Variants in ANK2 observed in about 807,000 individuals in gnomAD.
The protein encoded by ANK2 is ankyrin 2.
ANK2 carries 83 observed loss-of-function variants against 360.5 expected under a neutral mutation model. The observed-to-expected ratio is 0.23, with a 90% CI of 0.19 to 0.28. The LOEUF (loss-of-function observed/expected upper bound fraction) is 0.28. ANK2 is among the 10% of genes least tolerant of loss of function. The probability of loss-of-function intolerance (pLI) is 1.00; values close to 1 mark genes in which losing one functional copy is unlikely to be tolerated. For synonymous variants in ANK2, 1,740 were observed against 1,759.5 expected, an observed-to-expected ratio of 0.99 and a Z score of 0.28; for missense variants, 4,201 against 4,795.7, an observed-to-expected ratio of 0.88 and a Z score of 3.66.
chr4:112,711,461 T>A, the ANK2 span, among the ~76,000 whole-genome samples: 3 of 152,036 alleles, frequency 2.0e-5, no homozygotes, highest in African/African-American at 7.2e-5. Context: ...AGTTCAAGAT[T>A]GCAGTGAGCT....
chr4:113,381,766 A>G lies in ANK2; in HGVS notation c.*295A>G, dbSNP rs1423278309. The G allele has an allele frequency of 1.1e-5, 11 of 1,034,258 alleles. No homozygotes were observed. In the East Asian group the frequency reaches 2.8e-4, roughly 27 times the overall value. The allele number at this position is 1,034,258 out of a possible 1,614,324, so 64.1% of individuals were successfully genotyped here. A position where few individuals can be genotyped will look rare whatever the true frequency, so the allele number is the denominator to read the frequency against. On this transcript the variant is annotated 3_prime_UTR_variant, in exon 46 of 46. Transcript: ENST00000357077. Reference sequence around the variant, plus strand: ...CCCGACATTTCCACTGTTAGCAAATATACGGCATTTTGCTTTAGTTTTCCC... The same window carrying G: ...CCCGACATTTCCACTGTTAGCAAATGTACGGCATTTTGCTTTAGTTTTCCC...
chr4:112,834,413 G>A (rs1170776632), intron 1 of ANK2, among the ~76,000 whole-genome samples: 3 of 152,180 alleles, frequency 2.0e-5, no homozygotes, highest in Non-Finnish European at 4.4e-5. Flanking sequence ...TTGGCAAAAT[G>A]TTGAAGTTAA....
intron 22 of ANK2, among the ~76,000 whole-genome samples, chr4:113,295,978 C>A (rs995291365): frequency 6.6e-6 from 1 of 152,056 alleles, no homozygotes; most frequent in Non-Finnish European, 1.5e-5. Context: ...GATTTTCAAT[C>A]ATTCTTTTCC....
At chr4:112,826,012 C>T (rs774606733) in intron 1 of ANK2, among the ~76,000 whole-genome samples, 1 of 152,136 alleles carries the variant, frequency 6.6e-6, no homozygotes, top group African/African-American at 2.4e-5. Flanking sequence ...GGGAGAAGGT[C>T]AACGAGTAAC....
intron 22 of ANK2, among the ~76,000 whole-genome samples, chr4:113,299,847 C>T (rs2074031480): frequency 6.6e-6 from 1 of 151,960 alleles, no homozygotes; most frequent in Non-Finnish European, 1.5e-5. Context: ...GTGCAATAAA[C>T]CCACCTAAGG....
At chr4:113,175,438 A>G (rs2098155506) in intron 2 of ANK2, among the ~76,000 whole-genome samples, 1 of 152,036 alleles carries the variant, frequency 6.6e-6, no homozygotes, top group African/African-American at 2.4e-5. Flanking sequence ...TTCCTCACCA[A>G]TGTGCCATTC....
intron 2 of ANK2, among the ~76,000 whole-genome samples, chr4:112,953,568 G>T (rs1055224356): frequency 1.3e-5 from 2 of 152,168 alleles, no homozygotes; most frequent in Non-Finnish European, 2.9e-5. Context: ...ACATACGTTT[G>T]GTTTGCATTA....
intron 1 of ANK2, among the ~76,000 whole-genome samples, chr4:112,858,668 C>A (rs947596059): frequency 6.6e-6 from 1 of 152,226 alleles, no homozygotes; most frequent in African/African-American, 2.4e-5. Flanking sequence ...CTGTCTAGGA[C>A]TATTGCTGTC....
At chr4:113,220,809 A>G (rs1562972804) in intron 4 of ANK2, among the ~76,000 whole-genome samples, 1 of 152,252 alleles carries the variant, frequency 6.6e-6, no homozygotes, top group Admixed American at 6.5e-5. Flanking sequence ...TAAGTCATCT[A>G]TAATTGTCAG....
chr4:112,941,330 A>G (rs1335021042), intron 2 of ANK2, among the ~76,000 whole-genome samples: 1 of 146,714 alleles, frequency 6.8e-6, no homozygotes, highest in East Asian at 2.0e-4. Context: ...ATATATAAAT[A>G]TACTACATAT....
At chr4:113,372,566 A>C in intron 43 of ANK2, 3 of 1,535,964 alleles carry the variant, frequency 2.0e-6, no homozygotes, top group Non-Finnish European at 2.6e-6. Flanking sequence ...GCTGGAGGCC[A>C]GCTCAGATGA....
intron 1 of ANK2, among the ~76,000 whole-genome samples, chr4:113,069,705 G>A (rs140446743): frequency 2.0e-5 from 3 of 152,264 alleles, no homozygotes; most frequent in Non-Finnish European, 4.4e-5. Context: ...AGGGGCACAT[G>A]TGAGTCATTG....
intron 41 of ANK2, among the ~76,000 whole-genome samples, chr4:113,365,871 A>G (rs915177255): frequency 1.1e-4 from 16 of 152,110 alleles, no homozygotes; most frequent in African/African-American, 3.6e-4. Context: ...CAATGCATAT[A>G]CTTAACTCTA....
At chr4:113,344,908 G>A (rs1303730552) in intron 34 of ANK2, among the ~76,000 whole-genome samples, 4 of 152,224 alleles carry the variant, frequency 2.6e-5, no homozygotes, top group Middle Eastern at 3.4e-3. Context: ...GCTAGGGACA[G>A]GAGAAGTGAA....
At chr4:113,102,569 C>T (rs2154360576) in intron 1 of ANK2, among the ~76,000 whole-genome samples, 1 of 152,080 alleles carries the variant, frequency 6.6e-6, no homozygotes, top group Admixed American at 6.5e-5. Context: ...AGGAGGACAC[C>T]TCAAAGAAAA....
chr4:113,274,434 A>C lies in ANK2; in HGVS notation c.1486-18A>C, dbSNP rs2059547122. On this transcript the variant is annotated intron_variant, in intron 14 of 45. Transcript: ENST00000357077. ...TCTGTCTGCCCGGCACTAACTTTTT[A>C]CTTGGCTTGAGTTGTAGGAGGAACA... 1 of 1,613,610 alleles carries C rather than the reference A, an allele frequency of 6.2e-7. No homozygotes were observed. Among genetic ancestry groups the C allele is most frequent in the African/African-American group, 1.3e-5 (1 of 75,022 alleles).
chr4:112,743,532 GTC>G, the ANK2 span, among the ~76,000 whole-genome samples: 3 of 124,450 alleles, frequency 2.4e-5, no homozygotes, highest in African/African-American at 8.9e-5. Flanking sequence ...CTTTCTTTCT[GTC>G]TCTCTCTCTC....
At chr4:113,255,222 T>C (rs1460209180) in intron 10 of ANK2, among the ~76,000 whole-genome samples, 1 of 152,228 alleles carries the variant, frequency 6.6e-6, no homozygotes, top group African/African-American at 2.4e-5. Context: ...AGTAGTCTCC[T>C]AATACTATAG....
At chr4:113,117,785 C>G (rs1183752345) in intron 1 of ANK2, among the ~76,000 whole-genome samples, 1 of 152,096 alleles carries the variant, frequency 6.6e-6, no homozygotes, top group African/African-American at 2.4e-5. Flanking sequence ...TTTTCTTCTT[C>G]TTGTTCCTCA....
Sources: gnomAD v4.1 joint callset for allele counts (sites outside exome capture counted in the v4.1 genomes callset) on GRCh38, gnomAD v4.1.1 for gene constraint, MANE v1.5 for transcripts, NCBI Gene and HGNC (gene_info 2026-07-23, HGNC 2026-07-21) for gene names.